The following RALYL variants were observed in gnomAD, a reference collection of about 807,000 sequenced individuals.
The protein encoded by RALYL is RALY RNA binding protein like, also known as RNA-binding Raly-like protein.
RALYL carries 29 observed loss-of-function variants against 35.1 expected under a neutral mutation model. That is an observed-to-expected ratio of 0.83 (90% CI 0.61 to 1.13). The LOEUF (loss-of-function observed/expected upper bound fraction) is 1.13. Among genes scored for constraint, RALYL ranks in the 50% most tolerant of loss-of-function variants. The pLI, the probability that RALYL is intolerant of heterozygous loss-of-function variation, is 0.00. For missense variants in RALYL, 359 were observed against 360.4 expected (o/e 1.00, Z 0.03); for synonymous variants, 120 against 127.6 (o/e 0.94, Z 0.40).
At chr8:84,815,271 C>G (rs1267288626) in intron 4 of RALYL, among the ~76,000 whole-genome samples, 3 of 151,838 alleles carry the variant, frequency 2.0e-5, no homozygotes, top group Admixed American at 2.0e-4. Context: ...CTGATGTCAT[C>G]TTAGACCTAA....
intron 2 of RALYL, among the ~76,000 whole-genome samples, chr8:84,638,669 G>T (rs1356132921): frequency 6.6e-6 from 1 of 150,506 alleles, no homozygotes; most frequent in Non-Finnish European, 1.5e-5. Flanking sequence ...GAACTAAAAG[G>T]TTCTGAGAAA....
intron 1 of RALYL, among the ~76,000 whole-genome samples, chr8:84,320,202 C>T (rs561748879): frequency 6.6e-6 from 1 of 152,056 alleles, no homozygotes; most frequent in Non-Finnish European, 1.5e-5. Context: ...TTTCATGAAG[C>T]ATATAATAAC....
chr8:84,300,359 G>A (rs1354777395), intron 1 of RALYL, among the ~76,000 whole-genome samples: 2 of 151,720 alleles, frequency 1.3e-5, no homozygotes, highest in East Asian at 3.9e-4. Context: ...TATTATGGCT[G>A]ATTATGTGGT....
intron 2 of RALYL, among the ~76,000 whole-genome samples, chr8:84,610,358 T>C (rs1245440321): frequency 1.3e-5 from 2 of 152,056 alleles, no homozygotes; most frequent in African/African-American, 4.8e-5. Flanking sequence ...GTATTTTGTC[T>C]GATATTTTTC....
At chr8:84,236,955 T>C (rs764413950) in intron 1 of RALYL, among the ~76,000 whole-genome samples, 4 of 152,184 alleles carry the variant, frequency 2.6e-5, no homozygotes, top group Non-Finnish European at 5.9e-5. Flanking sequence ...TAAGTAAATG[T>C]ATTTGGTTCT....
chr8:84,548,072 A>G (rs2060481119), intron 2 of RALYL, among the ~76,000 whole-genome samples: 1 of 152,068 alleles, frequency 6.6e-6, no homozygotes, highest in African/African-American at 2.4e-5. Flanking sequence ...TTTTTCAGGA[A>G]TGTGTTCTCA....
chr8:84,330,481 T>C (rs1846616010), intron 1 of RALYL, among the ~76,000 whole-genome samples: 1 of 152,060 alleles, frequency 6.6e-6, no homozygotes, highest in Non-Finnish European at 1.5e-5. Context: ...CAACCAAAGT[T>C]ATTATCTGCT....
intron 2 of RALYL, among the ~76,000 whole-genome samples, chr8:84,768,717 C>T (rs1814701248): frequency 6.6e-6 from 1 of 152,146 alleles, no homozygotes; most frequent in African/African-American, 2.4e-5. Flanking sequence ...ACTCAAAAAT[C>T]GTTAAGTCGA....
intron 3 of RALYL, among the ~76,000 whole-genome samples, chr8:84,791,215 A>G (rs1820701166): frequency 6.6e-6 from 1 of 152,180 alleles, no homozygotes; most frequent in Admixed American, 6.5e-5. Flanking sequence ...ATGACATTTG[A>G]GCAGCCGTGA....
intron 1 of RALYL, among the ~76,000 whole-genome samples, chr8:84,215,038 TG>T (rs759541928): frequency 1.3e-5 from 2 of 151,886 alleles, no homozygotes; most frequent in East Asian, 3.9e-4. Context: ...CCCGAGTACC[TG>T]GGACTACAGG....
intron 8 of RALYL, among the ~76,000 whole-genome samples, chr8:84,901,879 T>C (rs1316850190): frequency 1.3e-5 from 2 of 152,138 alleles, no homozygotes; most frequent in Admixed American, 1.3e-4. Flanking sequence ...AGTGGGAATT[T>C]GGAGGATCTA....
chr8:84,882,613 T>C (rs186604750), intron 7 of RALYL, among the ~76,000 whole-genome samples: 2 of 152,188 alleles, frequency 1.3e-5, no homozygotes, highest in African/African-American at 4.8e-5. Flanking sequence ...CATTAATATA[T>C]TCAGCAAACA....
chr8:84,691,688 A>G (rs1414280254), intron 2 of RALYL, among the ~76,000 whole-genome samples: 2 of 151,934 alleles, frequency 1.3e-5, no homozygotes, highest in Non-Finnish European at 2.9e-5. Flanking sequence ...CTGGGGTGCT[A>G]GGAAAGCAAT....
chr8:84,185,705 C>T (rs1014268276), intron 1 of RALYL, among the ~76,000 whole-genome samples: 1 of 152,110 alleles, frequency 6.6e-6, no homozygotes, highest in African/African-American at 2.4e-5. Context: ...ACTTTGAATT[C>T]TGTAAAATAA....
intron 2 of RALYL, among the ~76,000 whole-genome samples, chr8:84,588,143 G>T (rs1812402844): frequency 6.6e-6 from 1 of 152,162 alleles, no homozygotes; most frequent in Non-Finnish European, 1.5e-5. Context: ...CTGTAGAAAT[G>T]TGTAGGACCA....
At chr8:84,262,949 G>A (rs924521880) in intron 1 of RALYL, among the ~76,000 whole-genome samples, 2 of 152,144 alleles carry the variant, frequency 1.3e-5, no homozygotes, top group Non-Finnish European at 2.9e-5. Context: ...CTGTTGAGAA[G>A]TGTCTCTAGT....
chr8:84,360,962 GA>G (rs61694143), intron 1 of RALYL, among the ~76,000 whole-genome samples: 8,408 of 98,262 alleles, frequency 0.086, 244 homozygotes, highest in East Asian at 0.2. Flanking sequence ...ATGCAGTAAA[GA>G]AAAAAAAAAA....
At chr8:84,886,318 ATTAG>A (rs1323436335) in intron 7 of RALYL, among the ~76,000 whole-genome samples, 3 of 152,074 alleles carry the variant, frequency 2.0e-5, no homozygotes, top group African/African-American at 7.2e-5. Context: ...TGATTTATAT[ATTAG>A]TTATGTTTGG....
chr8:84,633,732 A>G (rs190017453), intron 2 of RALYL, among the ~76,000 whole-genome samples: 146 of 151,964 alleles, frequency 9.6e-4, no homozygotes, highest in Non-Finnish European at 1.0e-3. Context: ...TGTATGGGTC[A>G]TATCACTTCT....
Sources: allele counts gnomAD v4.1 joint callset (sites outside exome capture counted in the v4.1 genomes callset), GRCh38; gene constraint gnomAD v4.1.1; transcripts MANE v1.5; gene names NCBI Gene and HGNC (gene_info 2026-07-23, HGNC 2026-07-21).